The following RBFOX1 variants were observed in gnomAD, a reference collection of about 807,000 sequenced individuals.
The protein encoded by RBFOX1 is RNA binding fox-1 homolog 1.
A neutral mutation model predicts 57.7 loss-of-function variants in RBFOX1; 8 were observed. The observed-to-expected ratio is 0.14, with a 90% CI of 0.08 to 0.25. RBFOX1 has a LOEUF of 0.25. Among genes scored for constraint, RBFOX1 ranks in the 10% least tolerant of loss-of-function variants. The pLI is 1.00. For missense variants in RBFOX1, 611 were observed against 548.5 expected, an observed-to-expected ratio of 1.11 and a Z score of -1.14; for synonymous variants, 326 against 222.4, an observed-to-expected ratio of 1.47 and a Z score of -4.15.
In RBFOX1 at chr16:6,477,982, C is replaced by G. The variant is rs117046769; in HGVS notation, c.-64+160925C>G. On this transcript the variant is annotated intron_variant, in intron 2 of 15. Coordinates refer to ENST00000550418, the MANE Select transcript of RBFOX1 (RefSeq NM_018723.4). ...TTTTTGTCAGTTTTCCCACCTCTCT[C>G]TGCCTCCATAGAATTCAAGAGGATT... 5.6e-3 allele frequency among the ~76,000 whole-genome samples: 850 copies of G among 152,200 alleles called. 32 individuals carry two copies. The East Asian group carries it at 0.12, about 21-fold the overall frequency.
At chr16:6,681,783 G>C (rs2058690663) in intron 3 of RBFOX1, among the ~76,000 whole-genome samples, 1 of 151,854 alleles carries the variant, frequency 6.6e-6, no homozygotes, top group South Asian at 2.1e-4. Context: ...CAGTTCTCAC[G>C]TCTGTAATGT....
rs1253560918 is a variant in RBFOX1 at position 6,019,448 on chromosome 16, G to A, written c.-671G>A. 3.1e-5 allele frequency: 31 copies of A among 990,866 alleles called. No individual in the cohort carries two copies. Among genetic ancestry groups the A allele is most frequent in the Non-Finnish European group, 3.7e-5 (31 of 833,904 alleles). 61.4% of individuals were successfully genotyped at this position (990,866 alleles called of 1,614,324 possible). A position where few individuals can be genotyped will look rare whatever the true frequency, so the allele number is the denominator to read the frequency against. ...GAGCCCAGGGGCCGCGTCGGGTGGG[G>A]AAACCCGAACTCGCGGAGGGGAATC... is the stretch of plus-strand genomic sequence containing the variant. On this transcript the variant is annotated 5_prime_UTR_variant, in exon 1 of 16. Transcript: ENST00000550418. This position sits in a 1 kb window ranked among gnomAD's most constrained non-coding sequence, Gnocchi z 4.2.
intron 4 of RBFOX1, among the ~76,000 whole-genome samples, chr16:7,069,379 G>A (rs1194443718): frequency 1.3e-5 from 2 of 152,052 alleles, no homozygotes; most frequent in African/African-American, 2.4e-5. Context: ...GGCCCGGTGT[G>A]TGTGGTTCCC....
chr16:5,853,753 A>G (rs1172478749), intron 3 of RBFOX1, among the ~76,000 whole-genome samples: 6 of 152,232 alleles, frequency 3.9e-5, no homozygotes, highest in East Asian at 1.9e-4. Flanking sequence ...TGCATTTCAA[A>G]TTGTGGCTTT....
chr16:5,292,009 C>A, intron 1 of RBFOX1, among the ~76,000 whole-genome samples: 1 of 91,352 alleles, frequency 1.1e-5, no homozygotes, highest in Non-Finnish European at 2.5e-5. Flanking sequence ...TTTTTTTTTT[C>A]AACAGCCAAC....
At chr16:5,618,553 G>T (rs373699730) in intron 3 of RBFOX1, among the ~76,000 whole-genome samples, 88 of 152,296 alleles carry the variant, frequency 5.8e-4, no homozygotes, top group South Asian at 3.9e-3. Flanking sequence ...TAGCCAGGAT[G>T]TTCTCGATCT....
intron 3 of RBFOX1, among the ~76,000 whole-genome samples, chr16:6,880,992 C>T (rs991951139): frequency 6.6e-6 from 1 of 152,118 alleles, no homozygotes; most frequent in Non-Finnish European, 1.5e-5. Flanking sequence ...CAGTGAGAGC[C>T]TAGGCAGGGC....
chr16:6,066,950 C>T (rs956563182), intron 1 of RBFOX1, among the ~76,000 whole-genome samples: 1 of 152,076 alleles, frequency 6.6e-6, no homozygotes, highest in South Asian at 2.1e-4. Context: ...CAGCCTTGGT[C>T]TCCCAGAGTA....
chr16:5,443,062 C>G (rs1049359020), intron 1 of RBFOX1, among the ~76,000 whole-genome samples: 1 of 152,160 alleles, frequency 6.6e-6, no homozygotes, highest in African/African-American at 2.4e-5. Flanking sequence ...AGGAACAGTC[C>G]TCCTCTAGAG....
chr16:6,501,916 C>T (rs142220175), intron 2 of RBFOX1, among the ~76,000 whole-genome samples: 12 of 152,160 alleles, frequency 7.9e-5, no homozygotes, highest in African/African-American at 2.9e-4. Context: ...CAACAGAGAT[C>T]CTTGCAAGTG....
At chr16:6,391,530 A>G (rs576125385) in intron 2 of RBFOX1, among the ~76,000 whole-genome samples, 4 of 152,132 alleles carry the variant, frequency 2.6e-5, no homozygotes, top group East Asian at 3.9e-4. Flanking sequence ...AAAAAGAAAA[A>G]AAAGTATCAT....
chr16:7,284,698 C>T (rs1026851354), intron 4 of RBFOX1, among the ~76,000 whole-genome samples: 1 of 152,118 alleles, frequency 6.6e-6, no homozygotes. Context: ...GGTGTTTAAT[C>T]CTGGATCTGA....
At chr16:6,949,725 A>C (rs907309096) in intron 3 of RBFOX1, among the ~76,000 whole-genome samples, 2 of 152,126 alleles carry the variant, frequency 1.3e-5, no homozygotes, top group African/African-American at 4.8e-5. Context: ...TAGTCACGTT[A>C]GGAGTTAAGA....
intron 6 of RBFOX1, among the ~76,000 whole-genome samples, chr16:7,586,665 C>T (rs566856638): frequency 1.3e-5 from 2 of 152,314 alleles, no homozygotes; most frequent in South Asian, 4.1e-4. Flanking sequence ...ATTTGTTTAA[C>T]AATGTGGAGA....
At chr16:6,102,934 T>C (rs1315496202) in intron 1 of RBFOX1, among the ~76,000 whole-genome samples, 2 of 152,208 alleles carry the variant, frequency 1.3e-5, no homozygotes, top group Non-Finnish European at 2.9e-5. Context: ...GGAATTTCTC[T>C]GCAGGCTTCT....
rs1603503615 is a variant in RBFOX1 at position 6,746,715 on chromosome 16, C to A, written c.-16+92065C>A. 4.0e-5 allele frequency among the ~76,000 whole-genome samples: 6 copies of A among 151,704 alleles called. No individual in the cohort carries two copies. In the South Asian group the frequency reaches 1.2e-3, roughly 32 times the overall value. On this transcript the variant is annotated intron_variant, in intron 3 of 15. Coordinates refer to ENST00000550418, the MANE Select transcript of RBFOX1 (RefSeq NM_018723.4). ...AAAGTGTTGTCTTATTAATCCTTAACTATTATTAATTAATTGAAAGTTTAC... is the reference window on the plus strand; with the variant it reads ...AAAGTGTTGTCTTATTAATCCTTAAATATTATTAATTAATTGAAAGTTTAC...
At position 6,546,770 on chromosome 16, in the gene RBFOX1, C is replaced by T. The variant is rs896016235; in HGVS notation, c.-63-107833C>T. ...TGAGGGGACATGATTTAACCCCTAG[C>T]GGATACATATCCTATTCCATTTTCA... On this transcript the variant is annotated intron_variant, in intron 2 of 15. Coordinates refer to ENST00000550418, the MANE Select transcript of RBFOX1 (RefSeq NM_018723.4). Among the ~76,000 whole-genome samples the T allele has an allele frequency of 3.9e-5, 6 of 152,146 alleles. No homozygotes were observed. The South Asian group carries it at 6.2e-4, about 16-fold the overall frequency.
At chr16:6,248,636 C>A (rs982054267) in intron 1 of RBFOX1, among the ~76,000 whole-genome samples, 1 of 151,964 alleles carries the variant, frequency 6.6e-6, no homozygotes, top group African/African-American at 2.4e-5. Flanking sequence ...TTTTAATACA[C>A]TTTGGGGGGA....
chr16:6,701,133 G>A (rs1242781671), intron 3 of RBFOX1, among the ~76,000 whole-genome samples: 3 of 126,544 alleles, frequency 2.4e-5, no homozygotes, highest in African/African-American at 9.5e-5. Context: ...CTCTGTGTGT[G>A]TATGTGTGTG....
Sources: gnomAD v4.1 joint callset for allele counts (sites outside exome capture counted in the v4.1 genomes callset) on GRCh38, gnomAD v4.1.1 for gene constraint, Gnocchi (gnomAD v3.1) non-coding constraint, MANE v1.5 for transcripts, NCBI Gene and HGNC (gene_info 2026-07-23, HGNC 2026-07-21) for gene names.